The following TRDN variants were observed in gnomAD, a reference collection of about 807,000 sequenced individuals.
The protein encoded by TRDN is triadin.
A neutral mutation model predicts 149.7 loss-of-function variants in TRDN; 161 were observed. That is an observed-to-expected ratio of 1.08 (90% CI 0.95 to 1.23). The LOEUF is 1.23. Ranked by LOEUF, TRDN falls within the 50% of genes most tolerant of loss-of-function variation. The pLI is 0.00. For synonymous variants in TRDN, 294 were observed against 250.5 expected (o/e 1.17, Z -1.64); for missense variants, 896 against 823.5 (o/e 1.09, Z -1.08).
At chr6:123,582,383 A>C (rs969126544) in intron 1 of TRDN, among the ~76,000 whole-genome samples, 2 of 152,120 alleles carry the variant, frequency 1.3e-5, no homozygotes, top group African/African-American at 4.8e-5. Context: ...TTGTGTGAGC[A>C]ATAAAGCTGT....
At chr6:123,337,915 A>C (rs917611686) in intron 21 of TRDN, among the ~76,000 whole-genome samples, 9 of 152,202 alleles carry the variant, frequency 5.9e-5, no homozygotes, top group Non-Finnish European at 1.2e-4. Context: ...AAAAAGGTAC[A>C]TGTAAACTAA....
intron 1 of TRDN, among the ~76,000 whole-genome samples, chr6:123,598,923 T>C (rs1275892282): frequency 6.6e-6 from 1 of 152,078 alleles, no homozygotes; most frequent in Non-Finnish European, 1.5e-5. Flanking sequence ...AGGAGAGGCA[T>C]ATGGCACAGG....
chr6:123,245,893 G>A (rs1053178283), intron 38 of TRDN, among the ~76,000 whole-genome samples: 6 of 152,012 alleles, frequency 3.9e-5, no homozygotes, highest in African/African-American at 1.4e-4. Flanking sequence ...CAGTCACTCA[G>A]ATCACAGTGC....
intron 16 of TRDN, among the ~76,000 whole-genome samples, chr6:123,380,889 C>T (rs923536885): frequency 6.6e-6 from 1 of 151,790 alleles, no homozygotes; most frequent in African/African-American, 2.4e-5. Flanking sequence ...TTAGACAGAG[C>T]TCATAGTGAG....
In TRDN at chr6:123,366,124, G is replaced by T. The variant is rs920771213; in HGVS notation, c.1321+11C>A. ...ATAGTTATGACATCTTTATCTTTAAGCTGCATTTACCTTTTTTAATTGAAA... is the reference window on the plus strand; with the variant it reads ...ATAGTTATGACATCTTTATCTTTAATCTGCATTTACCTTTTTTAATTGAAA... On this transcript the variant is annotated intron_variant, in intron 20 of 40. Coordinates refer to ENST00000334268, the MANE Select transcript of TRDN (RefSeq NM_006073.4). 2 of 1,607,950 alleles carry T rather than the reference G, an allele frequency of 1.2e-6. No individual in the cohort carries two copies. The highest frequency in any genetic ancestry group is 2.2e-5 in the East Asian group (1 of 44,720).
chr6:123,575,020 T>G (rs890413351), intron 1 of TRDN, among the ~76,000 whole-genome samples: 3 of 151,378 alleles, frequency 2.0e-5, no homozygotes, highest in Non-Finnish European at 4.4e-5. Flanking sequence ...TAAATTTGTA[T>G]TCACTTAATG....
intron 21 of TRDN, chr6:123,349,851 G>A: frequency 1.0e-6 from 1 of 985,400 alleles, no homozygotes. Flanking sequence ...GATGAGGACA[G>A]TGATAGATTT....
At chr6:123,416,394 T>G (rs1429448668) in intron 12 of TRDN, among the ~76,000 whole-genome samples, 1 of 151,668 alleles carries the variant, frequency 6.6e-6, no homozygotes, top group Non-Finnish European at 1.5e-5. Context: ...GTTTTTGCAT[T>G]TCTTCTGTGT....
chr6:123,437,137 AT>A (rs966578836), intron 12 of TRDN, among the ~76,000 whole-genome samples: 2 of 151,838 alleles, frequency 1.3e-5, no homozygotes, highest in Non-Finnish European at 2.9e-5. Flanking sequence ...GAATAACCTT[AT>A]TTCTTAATAG....
At chr6:123,446,967 G>A (rs565337129) in intron 10 of TRDN, among the ~76,000 whole-genome samples, 52 of 152,072 alleles carry the variant, frequency 3.4e-4, no homozygotes, top group South Asian at 1.9e-3. Flanking sequence ...TGGAAGGCAC[G>A]CAACTTTATA....
intron 38 of TRDN, among the ~76,000 whole-genome samples, chr6:123,224,499 T>C (rs1775284097): frequency 6.6e-6 from 1 of 151,794 alleles, no homozygotes. Flanking sequence ...GTTTCACGCA[T>C]ACAGCCTAGA....
At chr6:123,248,326 G>C (rs1422021032) in intron 38 of TRDN, among the ~76,000 whole-genome samples, 2 of 152,150 alleles carry the variant, frequency 1.3e-5, no homozygotes, top group East Asian at 3.9e-4. Context: ...GGAGGCTGAG[G>C]CGTGTGGATC....
chr6:123,565,764 T>C (rs1324459169), intron 2 of TRDN, among the ~76,000 whole-genome samples: 4 of 152,348 alleles, frequency 2.6e-5, no homozygotes, highest in Middle Eastern at 6.8e-3. Context: ...CTGGGCTGGC[T>C]TCTTCAGCGT....
chr6:123,501,349 A>G (rs1778693554), intron 8 of TRDN, among the ~76,000 whole-genome samples: 1 of 151,260 alleles, frequency 6.6e-6, no homozygotes, highest in African/African-American at 2.4e-5. Context: ...CAAACATATT[A>G]GGTCTAACTT....
At chr6:123,233,622 A>G (rs1351112083) in intron 38 of TRDN, among the ~76,000 whole-genome samples, 3 of 152,068 alleles carry the variant, frequency 2.0e-5, no homozygotes, top group African/African-American at 7.2e-5. Context: ...CGCCTTATAC[A>G]CAACCTTTCT....
At chr6:123,322,088 A>C (rs957775500) in intron 23 of TRDN, among the ~76,000 whole-genome samples, 2 of 152,198 alleles carry the variant, frequency 1.3e-5, no homozygotes, top group African/African-American at 4.8e-5. Context: ...AGCCACATCC[A>C]TATGGTCTTG....
At chr6:123,508,746 C>T (rs2114847675) in intron 7 of TRDN, among the ~76,000 whole-genome samples, 1 of 152,304 alleles carries the variant, frequency 6.6e-6, no homozygotes, top group African/African-American at 2.4e-5. Context: ...TTTCAGCAAG[C>T]AGTATGCAAC....
chr6:123,351,729 T>C (rs905351584), intron 21 of TRDN: 1 of 925,980 alleles, frequency 1.1e-6, no homozygotes, highest in Non-Finnish European at 1.3e-6. Flanking sequence ...CATCTCAAAT[T>C]TGAAGGAGAA....
At chr6:123,301,780 TATATATAC>T (rs1562252339) in intron 24 of TRDN, among the ~76,000 whole-genome samples, 4,350 of 90,156 alleles carry the variant, frequency 0.048, 130 homozygotes, top group East Asian at 0.21. Flanking sequence ...CATATATATA[TATATATAC>T]ATAAATGAAA....
Sources: allele counts gnomAD v4.1 joint callset (sites outside exome capture counted in the v4.1 genomes callset), GRCh38; gene constraint gnomAD v4.1.1; transcripts MANE v1.5; gene names NCBI Gene and HGNC (gene_info 2026-07-23, HGNC 2026-07-21).